Variants in CYP4F3 observed in about 807,000 individuals in gnomAD.
CYP4F3 encodes cytochrome P450 family 4 subfamily F member 3, also known as cytochrome P450 4F3.
A neutral mutation model predicts 54.8 loss-of-function variants in CYP4F3; 50 were observed. The observed-to-expected ratio is 0.91, with a 90% confidence interval of 0.73 to 1.16. CYP4F3 has a LOEUF of 1.16. CYP4F3 is among the 50% of genes most tolerant of loss of function. The probability of loss-of-function intolerance (pLI) is 0.00; values close to 1 mark genes in which losing one functional copy is unlikely to be tolerated. For synonymous variants in CYP4F3, 244 were observed against 262.6 expected (o/e 0.93, Z 0.69); for missense variants, 715 against 676.2 (o/e 1.06, Z -0.64).
intron 2 of CYP4F3, chr19:15,643,907 GTC>G: frequency 6.4e-7 from 1 of 1,563,326 alleles, no homozygotes; most frequent in Non-Finnish European, 8.6e-7. Flanking sequence ...TTGCTTGCAG[GTC>G]ACCCCCACGG....
intron 2 of CYP4F3, among the ~76,000 whole-genome samples, chr19:15,643,178 T>C (rs1029383217): frequency 2.0e-4 from 31 of 151,942 alleles, no homozygotes; most frequent in Non-Finnish European, 5.9e-5. Context: ...GATAGGTAGG[T>C]AGATAGATAA....
chr19:15,649,264 T>G lies in CYP4F3; in HGVS notation c.630T>G (p.Phe210Leu), dbSNP rs1293090344. 6 of 1,612,972 alleles carry G rather than the reference T, an allele frequency of 3.7e-6. No individual in the cohort carries two copies. The highest frequency in any genetic ancestry group is 5.1e-6 in the Non-Finnish European group (6 of 1,179,404). The change falls in exon 6 of 13, where the codon TTT (phenylalanine) becomes TTG (leucine). Residue 210 changes from phenylalanine (F) to leucine (L), a missense_variant. Phe to Leu is a conservative substitution (Grantham distance 22). Coordinates refer to ENST00000221307, the MANE Select transcript of CYP4F3 (RefSeq NM_000896.3). The stretch of plus-strand genomic sequence containing the variant: ...GTCTGCAGAAATGTGTCTTCAGCTT[T>G]GACAGCCATTGCCAGGAGTAAGTTC... ...LDSLQKCVFS[F>L]DSHCQEKPSE...
In CYP4F3 at chr19:15,659,250, G is replaced by T. The variant is rs149563332; in HGVS notation, c.1428G>T (p.Ala476=). 2.2e-4 allele frequency: 359 copies of T among 1,612,198 alleles called. No individual in the cohort carries two copies. In the African/African-American group the frequency reaches 3.9e-3, roughly 17 times the overall value. ...GCATCGGGCAGGCGTTCGCGATGGC[G>T]GAGATGAAGGTGGTCCTGGGGCTCA... is the stretch of plus-strand genomic sequence containing the variant. ...RNCIGQAFAM[A]EMKVVLGLTL... The change falls in exon 13 of 13, where the codon GCG becomes GCT. Residue 476 remains alanine (A), a synonymous_variant. Transcript: ENST00000221307.
chr19:15,654,577 C>G (rs1319259008), intron 9 of CYP4F3, among the ~76,000 whole-genome samples: 1 of 152,178 alleles, frequency 6.6e-6, no homozygotes, highest in Non-Finnish European at 1.5e-5. Flanking sequence ...TCCACTTTTT[C>G]AGCTCCCACA....
rs777472862 is a variant in CYP4F3, at chr19:15,658,562, G to C, written c.1314+7G>C. ...CGTGTGGCCGGACCCTGAGGTGCGG[G>C]CCCCCCGTCTCTGTTTTTGTCCATT... On this transcript the variant is annotated splice_region_variant and intron_variant, in intron 11 of 12. Coordinates refer to ENST00000221307, the MANE Select transcript of CYP4F3 (RefSeq NM_000896.3). The C allele has an allele frequency of 9.1e-5, 147 of 1,613,834 alleles. 1 individual carries two copies. Among genetic ancestry groups the C allele is most frequent in the South Asian group, 3.0e-4 (27 of 91,078 alleles).
At chr19:15,643,383 T>C (rs1446757965) in intron 2 of CYP4F3, among the ~76,000 whole-genome samples, 3 of 150,966 alleles carry the variant, frequency 2.0e-5, no homozygotes, top group Non-Finnish European at 4.4e-5. Context: ...GATAGGTAGA[T>C]ATGTAGAGAT....
chr19:15,647,685 G>A (rs555718434), intron 5 of CYP4F3, among the ~76,000 whole-genome samples: 2 of 152,288 alleles, frequency 1.3e-5, no homozygotes, highest in Admixed American at 6.5e-5. Flanking sequence ...TAAGTCTGTG[G>A]GACAGTTCGT....
At position 15,659,864 on chromosome 19, in the gene CYP4F3, A is replaced by G. The variant is rs2144682065; in HGVS notation, c.*479A>G. 1 of 154,232 alleles carries G rather than the reference A, an allele frequency of 6.5e-6. No individual in the cohort carries two copies. The highest frequency in any genetic ancestry group is 2.0e-4 in the South Asian group (1 of 4,894). 9.6% of individuals were successfully genotyped at this position (154,232 alleles called of 1,614,324 possible). A position where few individuals can be genotyped will look rare whatever the true frequency, so the allele number is the denominator to read the frequency against. Reference sequence around the variant, plus strand: ...CAGCTGTGGGGAGGTGGGACTGAGGAGCGACTGCTAATCAGGATGGGGTTT... The same window carrying G: ...CAGCTGTGGGGAGGTGGGACTGAGGGGCGACTGCTAATCAGGATGGGGTTT... On this transcript the variant is annotated 3_prime_UTR_variant, in exon 13 of 13. Coordinates refer to ENST00000221307, the MANE Select transcript of CYP4F3 (RefSeq NM_000896.3).
chr19:15,643,103 C>CAGAT (rs1156471414), intron 2 of CYP4F3, among the ~76,000 whole-genome samples: 2 of 149,988 alleles, frequency 1.3e-5, no homozygotes, highest in Admixed American at 1.3e-4. Flanking sequence ...GATGGATGGG[C>CAGAT]AGATAGATAT....
chr19:15,657,123 C>G (rs538702066), intron 9 of CYP4F3, among the ~76,000 whole-genome samples: 13 of 152,282 alleles, frequency 8.5e-5, no homozygotes, highest in African/African-American at 3.1e-4. Flanking sequence ...CATTGTGTGG[C>G]TGTTTATCTA....
intron 7 of CYP4F3, among the ~76,000 whole-genome samples, chr19:15,650,658 CTTTTTCTTTCTTTCTTTCTT>C (rs1374303783): frequency 5.0e-4 from 36 of 71,852 alleles, no homozygotes; most frequent in African/African-American, 2.6e-3. Context: ...TCCCTGCCTT[CTTTTTCTTTCTTTCTTTCTT>C]TCTTTCTTTC....
chr19:15,642,721 G>A (rs942006145), intron 2 of CYP4F3, among the ~76,000 whole-genome samples: 2 of 152,228 alleles, frequency 1.3e-5, no homozygotes, highest in Non-Finnish European at 2.9e-5. Context: ...GATAGAGCAG[G>A]AGGAATGTAG....
At chr19:15,653,791 G>T (rs1972940827) in intron 9 of CYP4F3, among the ~76,000 whole-genome samples, 1 of 141,552 alleles carries the variant, frequency 7.1e-6, no homozygotes, top group South Asian at 2.2e-4. Flanking sequence ...AGAGAGCAGG[G>T]TCAGGACAGA....
At chr19:15,644,647 T>C (rs1198094004) in intron 2 of CYP4F3, among the ~76,000 whole-genome samples, 2 of 152,228 alleles carry the variant, frequency 1.3e-5, no homozygotes, top group Non-Finnish European at 2.9e-5. Flanking sequence ...TGTCCATCTC[T>C]GGTGTGGGTC....
chr19:15,658,848 AGGTGCAGG>A (rs1973109418), intron 12 of CYP4F3, 39 bp downstream of exon 12: 1 of 1,607,344 alleles, frequency 6.2e-7, no homozygotes, highest in African/African-American at 1.3e-5. Flanking sequence ...ACGGGGAGAT[AGGTGCAGG>A]GGTCTGGGCA....
At chr19:15,658,441 G>A in intron 10 of CYP4F3, 44 bp downstream of exon 10, 5 of 1,613,706 alleles carry the variant, frequency 3.1e-6, no homozygotes, top group South Asian at 1.1e-5. Flanking sequence ...TAGGAAGAGG[G>A]GCCCCTCAGG....
At chr19:15,652,752 A>G (rs548001447) in intron 8 of CYP4F3, 71 bp from the exon 9 acceptor site, 9 of 1,602,136 alleles carry the variant, frequency 5.6e-6, no homozygotes, top group East Asian at 4.5e-5. Context: ...GAGGTCCTCA[A>G]TGCAAGGTTG....
rs200295460 is a variant in CYP4F3 at position 15,649,204 on chromosome 19, C to A, written c.570C>A (p.Asp190Glu). The change falls in exon 6 of 13, where the codon GAC becomes GAA. Residue 190 changes from aspartate (D) to glutamate (E), a missense_variant. Coordinates refer to ENST00000221307, the MANE Select transcript of CYP4F3 (RefSeq NM_000896.3). The stretch of plus-strand genomic sequence containing the variant: ...CCTCAGAGGGTAGTGCCCGTCTGGA[C>A]ATGTTTGAGCACATCAGCCTCATGA... The part of the protein sequence containing the change: ...LLASEGSARL[D>E]MFEHISLMTL... 1.2e-4 allele frequency: 195 copies of A among 1,613,486 alleles called. No individual in the cohort carries two copies. The highest frequency in any genetic ancestry group is 6.2e-4 in the Admixed American group (37 of 59,976).
intron 2 of CYP4F3, among the ~76,000 whole-genome samples, chr19:15,643,475 CAGAT>C (rs978973495): frequency 9.9e-5 from 15 of 151,966 alleles, no homozygotes; most frequent in East Asian, 3.9e-4. Flanking sequence ...GGCAGACAGA[CAGAT>C]AGATAGATAG....
Sources: gnomAD v4.1 joint callset for allele counts (sites outside exome capture counted in the v4.1 genomes callset) on GRCh38, gnomAD v4.1.1 for gene constraint, MANE v1.5 for transcripts, NCBI Gene and HGNC (gene_info 2026-07-23, HGNC 2026-07-21) for gene names.